The following MYSM1 variants were observed in gnomAD, a reference collection of about 807,000 sequenced individuals.
The protein encoded by MYSM1 is Myb like, SWIRM and MPN domains 1.
MYSM1 carries 51 observed loss-of-function variants against 116.0 expected under a neutral mutation model. The observed-to-expected ratio is 0.44, with a 90% confidence interval of 0.35 to 0.56. MYSM1 has a LOEUF of 0.56. Ranked by LOEUF, MYSM1 falls within the 20% of genes least tolerant of loss-of-function variation. MYSM1 has a pLI of 0.00. For missense variants in MYSM1, 900 were observed against 974.9 expected, an observed-to-expected ratio of 0.92 and a Z score of 1.02; for synonymous variants, 313 against 315.2, an observed-to-expected ratio of 0.99 and a Z score of 0.07.
chr1:58,661,019 C>A, intron 19 of MYSM1, 151 bp downstream of exon 19: 1 of 610,102 alleles, frequency 1.6e-6, no homozygotes, highest in Non-Finnish European at 2.8e-6. Flanking sequence ...TACTAATTAT[C>A]TCCTAGAAAT....
chr1:58,660,441 T>C (rs111603944), intron 19 of MYSM1, among the ~76,000 whole-genome samples: 298 of 152,218 alleles, frequency 2.0e-3, no homozygotes, highest in Middle Eastern at 3.4e-3. Context: ...TTTGCGACTT[T>C]TCTCCATTTG....
intron 17 of MYSM1, among the ~76,000 whole-genome samples, chr1:58,664,530 G>T (rs1644439677): frequency 6.6e-6 from 1 of 152,168 alleles, no homozygotes; most frequent in Non-Finnish European, 1.5e-5. Flanking sequence ...GACCATGAAG[G>T]CAGGAATAAA....
chr1:58,674,752 T>C (rs967427980), intron 10 of MYSM1, among the ~76,000 whole-genome samples: 4 of 151,794 alleles, frequency 2.6e-5, no homozygotes, highest in South Asian at 2.1e-4. Flanking sequence ...GGTGAAACCC[T>C]GTCTCTACTA....
intron 12 of MYSM1, among the ~76,000 whole-genome samples, chr1:58,670,874 C>T (rs1464809623): frequency 6.6e-6 from 1 of 152,082 alleles, no homozygotes; most frequent in African/African-American, 2.4e-5. Flanking sequence ...TCAAAAAGAT[C>T]CTGAAGACCT....
chr1:58,699,946 C>T (rs1366610182), intron 1 of MYSM1, 39 bp downstream of exon 1: 8 of 1,610,308 alleles, frequency 5.0e-6, no homozygotes, highest in Non-Finnish European at 5.9e-6. Flanking sequence ...CAATCCACTC[C>T]CCTCTCCGCC....
rs777618726 is a variant in MYSM1, at chr1:58,690,248, G to C, written c.298C>G (p.Leu100Val). ...KEDDKKYMKS[L>V]QKTAKIMVHS... ...TACATGATTTTTGCTGTTTTCTGCA[G>C]ACTGCATCACATGAAAAAAGAAAAT... Residue 100 changes from leucine to valine, a missense_variant and splice_region_variant, in exon 5 of 20, where the codon CTG becomes GTG. By Grantham distance (32) the Leu-to-Val change is conservative. Transcript: ENST00000472487. 6.3e-7 allele frequency: 1 copy of C among 1,576,674 alleles called. No homozygotes were observed. The highest frequency in any genetic ancestry group is 1.2e-5 in the South Asian group (1 of 81,944).
chr1:58,671,848 C>A, intron 12 of MYSM1, 22 bp downstream of exon 12: 3 of 1,567,782 alleles, frequency 1.9e-6, no homozygotes, highest in Non-Finnish European at 2.6e-6. Context: ...TGTTTAAAAA[C>A]CACATTTATA....
At position 58,682,446 on chromosome 1, in the gene MYSM1, A is replaced by T. The variant is rs17118103; in HGVS notation, c.598T>A (p.Cys200Ser). The change falls in exon 8 of 20, where the codon TGT (cysteine) becomes AGT (serine). Residue 200 changes from cysteine to serine, a missense_variant. Cys to Ser is a moderately radical substitution (Grantham distance 112, BLOSUM62 -1). This residue lies in a region of MYSM1 where 622 missense variants were observed against 623.7 expected (regional missense o/e 1.00). Coordinates refer to ENST00000472487, the MANE Select transcript of MYSM1 (RefSeq NM_001085487.3). ...DKGTKAWTPS[C>S]LRGRADPNLN... ...TTGGGATCAGCACGTCCCCTTAAACATGATGGTGTCCATGCCTTTGTCCCT... is the reference window on the plus strand; with the variant it reads ...TTGGGATCAGCACGTCCCCTTAAACTTGATGGTGTCCATGCCTTTGTCCCT... The T allele has an allele frequency of 0.16, 260,941 of 1,613,972 alleles. 23,479 individuals carry two copies. Among genetic ancestry groups the T allele is most frequent in the South Asian group, 0.24 (21,457 of 91,056 alleles).
chr1:58,682,160 G>A lies in MYSM1; in HGVS notation c.884C>T (p.Thr295Ile), dbSNP rs368671263. 1.2e-5 allele frequency: 19 copies of A among 1,612,840 alleles called. No individual in the cohort carries two copies. In the African/African-American group the frequency reaches 2.3e-4, roughly 19 times the overall value. The change falls in exon 8 of 20, where the codon ACA becomes ATA. Residue 295 changes from threonine to isoleucine, a missense_variant. By Grantham distance (89) the Thr-to-Ile change is moderately conservative (BLOSUM62 -1). Coordinates refer to ENST00000472487, the MANE Select transcript of MYSM1 (RefSeq NM_001085487.3). The part of the protein sequence containing the change: ...QDETLSSSEI[T>I]LWTEKQSNGD... The stretch of plus-strand genomic sequence containing the variant: ...ATTGCTCTGTTTCTCAGTCCACAGT[G>A]TAATTTCTGAGCTTGAAAGTGTTTC...
intron 3 of MYSM1, among the ~76,000 whole-genome samples, chr1:58,691,671 G>A (rs561807304): frequency 2.3e-4 from 35 of 152,206 alleles, no homozygotes; most frequent in Non-Finnish European, 4.0e-4. Context: ...TTCAAGACCA[G>A]CCTGGCCAAC....
chr1:58,698,700 T>C (rs1264423285), intron 1 of MYSM1, among the ~76,000 whole-genome samples: 1 of 152,212 alleles, frequency 6.6e-6, no homozygotes, highest in African/African-American at 2.4e-5. Context: ...CATTAACTTG[T>C]TGCGAAAAGT....
At chr1:58,671,065 C>T (rs916850299) in intron 12 of MYSM1, among the ~76,000 whole-genome samples, 10 of 152,148 alleles carry the variant, frequency 6.6e-5, no homozygotes, top group Non-Finnish European at 1.3e-4. Context: ...GTAATATATA[C>T]TGTAATGATT....
intron 8 of MYSM1, among the ~76,000 whole-genome samples, chr1:58,679,002 G>A (rs933258415): frequency 6.6e-6 from 1 of 152,164 alleles, no homozygotes; most frequent in Non-Finnish European, 1.5e-5. Flanking sequence ...GATTGGAGAT[G>A]ATTTAAGTAC....
chr1:58,676,341 G>A (rs1280542307), intron 9 of MYSM1, among the ~76,000 whole-genome samples: 3 of 151,198 alleles, frequency 2.0e-5, no homozygotes, highest in Admixed American at 6.6e-5. Flanking sequence ...GCTTGAACCC[G>A]GGAGGCGGAA....
At chr1:58,688,961 ATTAAT>A in intron 6 of MYSM1, 72 bp downstream of exon 6, 2 of 1,311,022 alleles carry the variant, frequency 1.5e-6, no homozygotes, top group Non-Finnish European at 2.1e-6. Flanking sequence ...GTCTCTATAA[ATTAAT>A]TTAACCTTAT....
chr1:58,691,649 C>T lies in MYSM1; in HGVS notation c.218+1212G>A, dbSNP rs183051513. 2.4e-3 allele frequency among the ~76,000 whole-genome samples: 364 copies of T among 152,072 alleles called. 1 individual carries two copies. The highest frequency in any genetic ancestry group is 8.5e-3 in the African/African-American group (351 of 41,480). ...TTGGGAGGCCGAAGCAGGTAGATCC[C>T]GAGGTCAGGAGTTCAAGACCAGCCT... On this transcript the variant is annotated intron_variant, in intron 3 of 19. Transcript: ENST00000472487.
At chr1:58,668,354 A>G in intron 14 of MYSM1, 1 of 959,678 alleles carries the variant, frequency 1.0e-6, no homozygotes, top group Non-Finnish European at 1.3e-6. Context: ...TGTTTCAGTG[A>G]TCTAAAAAGT....
intron 11 of MYSM1, among the ~76,000 whole-genome samples, chr1:58,672,584 T>C (rs1386682579): frequency 2.0e-5 from 3 of 152,148 alleles, no homozygotes; most frequent in Non-Finnish European, 2.9e-5. Flanking sequence ...TAAATCTCTA[T>C]TCCATTTCTA....
chr1:58,674,875 C>T (rs912018438), intron 10 of MYSM1, among the ~76,000 whole-genome samples: 2 of 145,612 alleles, frequency 1.4e-5, no homozygotes, highest in South Asian at 2.1e-4. Context: ...TGCAGTGAGC[C>T]GAGATGGCAC....
Sources: gnomAD v4.1 joint callset for allele counts (sites outside exome capture counted in the v4.1 genomes callset) on GRCh38, gnomAD v4.1.1 for gene constraint, gnomAD v4.1.1 regional missense constraint, MANE v1.5 for transcripts, NCBI Gene and HGNC (gene_info 2026-07-23, HGNC 2026-07-21) for gene names.